The following LAPTM4B variants were observed in gnomAD, a reference collection of about 807,000 sequenced individuals.
The protein encoded by LAPTM4B is lysosomal protein transmembrane 4 beta, also known as lysosomal-associated transmembrane protein 4B.
In LAPTM4B, 26 loss-of-function variants were observed where a neutral mutation model predicts 28.5. The ratio of observed to expected loss-of-function variants is 0.91; its 90% confidence interval spans 0.67 to 1.27. LAPTM4B has a LOEUF of 1.27. LAPTM4B is among the 50% of genes most tolerant of loss of function. The pLI is 0.00. For missense variants in LAPTM4B, 288 were observed against 285.8 expected, an observed-to-expected ratio of 1.01 and a Z score of -0.06; for synonymous variants, 109 against 106.4, an observed-to-expected ratio of 1.02 and a Z score of -0.15.
intron 6 of LAPTM4B, among the ~76,000 whole-genome samples, chr8:97,844,113 G>A (rs1586346945): frequency 6.6e-6 from 1 of 151,282 alleles, no homozygotes; most frequent in East Asian, 1.9e-4. Context: ...GCAGGATGGG[G>A]AGAGGGGGGT....
chr8:97,811,849 A>C (rs1816832763), intron 2 of LAPTM4B, among the ~76,000 whole-genome samples: 1 of 152,172 alleles, frequency 6.6e-6, no homozygotes, highest in African/African-American at 2.4e-5. Context: ...TCTGTCGCCC[A>C]GGCTGGAGTA....
intron 1 of LAPTM4B, among the ~76,000 whole-genome samples, chr8:97,793,212 A>G (rs146648209): frequency 1.8e-4 from 28 of 152,318 alleles, no homozygotes; most frequent in Non-Finnish European, 2.9e-4. Context: ...ACAATAGATT[A>G]ATTTTTGAAT....
intron 6 of LAPTM4B, among the ~76,000 whole-genome samples, chr8:97,842,260 A>G (rs966076339): frequency 2.0e-5 from 3 of 152,114 alleles, no homozygotes; most frequent in African/African-American, 7.3e-5. Flanking sequence ...TTCAACCATG[A>G]AATGACATTT....
At chr8:97,810,016 A>G (rs1816803501) in intron 2 of LAPTM4B, among the ~76,000 whole-genome samples, 1 of 152,076 alleles carries the variant, frequency 6.6e-6, no homozygotes, top group African/African-American at 2.4e-5. Context: ...TGCAATCCCT[A>G]CCTCTTGGGC....
intron 6 of LAPTM4B, among the ~76,000 whole-genome samples, chr8:97,832,495 A>G (rs1217085100): frequency 6.6e-6 from 1 of 151,984 alleles, no homozygotes; most frequent in Non-Finnish European, 1.5e-5. Context: ...TAATGTTACT[A>G]TTTTCCCACA....
At chr8:97,825,701 A>G (rs1203264169) in intron 6 of LAPTM4B, among the ~76,000 whole-genome samples, 1 of 152,238 alleles carries the variant, frequency 6.6e-6, no homozygotes, top group East Asian at 1.9e-4. Flanking sequence ...TTTTGAAAAC[A>G]TGTCTTCACT....
intron 1 of LAPTM4B, among the ~76,000 whole-genome samples, chr8:97,786,894 C>G (rs1209198250): frequency 1.3e-5 from 2 of 152,022 alleles, no homozygotes; most frequent in Non-Finnish European, 2.9e-5. Context: ...GTTGCTATAA[C>G]AAAGAAACGC....
intron 6 of LAPTM4B, among the ~76,000 whole-genome samples, chr8:97,827,611 C>G (rs1005010207): frequency 1.3e-5 from 2 of 152,170 alleles, no homozygotes; most frequent in Non-Finnish European, 2.9e-5. Context: ...GGAGGGGACA[C>G]TTTTGGGGAT....
intron 2 of LAPTM4B, among the ~76,000 whole-genome samples, chr8:97,806,443 T>G (rs1410002296): frequency 6.6e-6 from 1 of 152,086 alleles, no homozygotes; most frequent in Non-Finnish European, 1.5e-5. Context: ...CTTTCCAGTT[T>G]TAGGAGATGA....
In LAPTM4B at chr8:97,803,831, T is replaced by G. The variant is rs900955417; in HGVS notation, c.100-1522T>G. Among the ~76,000 whole-genome samples, 10 of 152,084 alleles carry G rather than the reference T, an allele frequency of 6.6e-5. No individual in the cohort carries two copies. In the South Asian group the frequency reaches 2.1e-3, roughly 32 times the overall value. Reference sequence around the variant, plus strand: ...TGGCTCATTTTCTTGTTTGTTGAGATGGGGTCTCACTGTGTTGCCCAGGCT... The same window carrying G: ...TGGCTCATTTTCTTGTTTGTTGAGAGGGGGTCTCACTGTGTTGCCCAGGCT... On this transcript the variant is annotated intron_variant, in intron 1 of 6. Transcript: ENST00000521545.
At chr8:97,820,076 C>T (rs1487063626) in intron 5 of LAPTM4B, among the ~76,000 whole-genome samples, 2 of 152,062 alleles carry the variant, frequency 1.3e-5, no homozygotes, top group Non-Finnish European at 2.9e-5. Flanking sequence ...GGTTGGAAAG[C>T]CTTTGATAGG....
At chr8:97,844,872 T>C (rs1160687295) in intron 6 of LAPTM4B, among the ~76,000 whole-genome samples, 1 of 152,202 alleles carries the variant, frequency 6.6e-6, no homozygotes, top group African/African-American at 2.4e-5. Flanking sequence ...TGACTTCCTC[T>C]TTCCATTTTG....
chr8:97,833,092 G>A (rs1045255174), intron 6 of LAPTM4B, among the ~76,000 whole-genome samples: 1 of 151,794 alleles, frequency 6.6e-6, no homozygotes, highest in Non-Finnish European at 1.5e-5. Context: ...CCAGCACTTC[G>A]GGAGGCCGAG....
At chr8:97,806,662 G>A (rs1339506097) in intron 2 of LAPTM4B, among the ~76,000 whole-genome samples, 1 of 152,136 alleles carries the variant, frequency 6.6e-6, no homozygotes, top group Non-Finnish European at 1.5e-5. Flanking sequence ...ATTGAATTGT[G>A]GGAGCTGCTC....
At chr8:97,779,347 C>T (rs946557569) in intron 1 of LAPTM4B, among the ~76,000 whole-genome samples, 4 of 151,802 alleles carry the variant, frequency 2.6e-5, no homozygotes, top group African/African-American at 9.7e-5. Context: ...AAATTAGGTG[C>T]GGTGGTGTAG....
intron 6 of LAPTM4B, among the ~76,000 whole-genome samples, chr8:97,843,721 A>G (rs1270225921): frequency 2.0e-5 from 3 of 152,084 alleles, no homozygotes; most frequent in Admixed American, 1.3e-4. Flanking sequence ...CAGAGGTTGC[A>G]TGAGCCAAGA....
intron 1 of LAPTM4B, among the ~76,000 whole-genome samples, chr8:97,776,371 G>GCAC (rs1217843859): frequency 6.6e-6 from 1 of 152,222 alleles, no homozygotes; most frequent in Admixed American, 6.5e-5. Flanking sequence ...CAGGTGGTGT[G>GCAC]GGTCGCCGAT....
chr8:97,815,279 C>A, intron 2 of LAPTM4B, 49 bp from the exon 3 acceptor site: 1 of 1,352,926 alleles, frequency 7.4e-7, no homozygotes, highest in East Asian at 2.3e-5. Context: ...TTCAGTGGAT[C>A]CACTACTGAT....
rs529471128 is a variant in LAPTM4B at position 97,812,849 on chromosome 8, T to C, written c.212-2479T>C. 6.9e-4 allele frequency among the ~76,000 whole-genome samples: 105 copies of C among 152,276 alleles called. 1 individual carries two copies. The South Asian group carries it at 0.021, about 30-fold the overall frequency. ...TATGTTGATAGCCCAAACAAATCAC[T>C]GCCTGTGGCAGAGAACAGGGCGTTG... On this transcript the variant is annotated intron_variant, in intron 2 of 6. Transcript: ENST00000521545.
Sources: gnomAD v4.1 joint callset for allele counts (sites outside exome capture counted in the v4.1 genomes callset) on GRCh38, gnomAD v4.1.1 for gene constraint, MANE v1.5 for transcripts, NCBI Gene and HGNC (gene_info 2026-07-23, HGNC 2026-07-21) for gene names.